Variants in SMARCA2 observed in about 807,000 individuals in gnomAD.
SMARCA2 encodes the protein SWI/SNF related BAF chromatin remodeling complex subunit ATPase 2, also known as SWI/SNF-related matrix-associated actin-dependent regulator of chromatin subfamily A member 2.
In SMARCA2, 61 loss-of-function variants were observed where a neutral mutation model predicts 199.8. That is an observed-to-expected ratio of 0.31 (90% CI 0.25 to 0.38). The LOEUF (loss-of-function observed/expected upper bound fraction) is 0.38, where lower values mean the gene tolerates loss of function less well. SMARCA2 is among the 10% of genes least tolerant of loss of function. The probability of loss-of-function intolerance (pLI) is 1.00; values close to 1 mark genes in which losing one functional copy is unlikely to be tolerated. For synonymous variants in SMARCA2, 935 were observed against 732.0 expected (o/e 1.28, Z -4.48); for missense variants, 1,344 against 2,012.2 (o/e 0.67, Z 6.35).
intron 10 of SMARCA2, chr9:2,072,064 T>C (rs1023685396): frequency 6.2e-4 from 94 of 152,158 alleles, no homozygotes; most frequent in African/African-American, 2.2e-3. Context: ...GAAAGAACCA[T>C]TGGGTATGTG....
chr9:2,190,574 ATACT>A (rs1451250930), intron 32 of SMARCA2, among the ~76,000 whole-genome samples: 1 of 152,228 alleles, frequency 6.6e-6, no homozygotes, highest in Non-Finnish European at 1.5e-5. Context: ...GTGTGTATAT[ATACT>A]TACTTGAATT....
chr9:2,147,484 C>T (rs531703945), intron 27 of SMARCA2, among the ~76,000 whole-genome samples: 1 of 152,210 alleles, frequency 6.6e-6, no homozygotes, highest in Non-Finnish European at 1.5e-5. Context: ...AGTAAACTGG[C>T]TAGAACACAT....
rs143123704 is a variant in SMARCA2 at position 2,075,743 on chromosome 9, T to C, written c.1936-486T>C. On this transcript the variant is annotated intron_variant, in intron 12 of 33. Coordinates refer to ENST00000349721, the MANE Select transcript of SMARCA2 (RefSeq NM_003070.5). ...TGTGATCTTGGCTCACTGGAACCTCTGCCTCCTGGGTTCAAGCGATTCTCC... is the reference window on the plus strand; with the variant it reads ...TGTGATCTTGGCTCACTGGAACCTCCGCCTCCTGGGTTCAAGCGATTCTCC... 7.0e-3 allele frequency among the ~76,000 whole-genome samples: 1,069 copies of C among 152,198 alleles called. 18 individuals carry two copies. The highest frequency in any genetic ancestry group is 0.024 in the African/African-American group (1,009 of 41,548).
chr9:2,101,827 A>G (rs968098339), intron 22 of SMARCA2, among the ~76,000 whole-genome samples: 1 of 152,220 alleles, frequency 6.6e-6, no homozygotes, highest in African/African-American at 2.4e-5. Context: ...TATTCAAAGG[A>G]CATAGATCTT....
intron 4 of SMARCA2, chr9:2,042,071 G>C (rs1464987666): frequency 6.6e-6 from 1 of 152,188 alleles, no homozygotes; most frequent in Non-Finnish European, 1.5e-5. Flanking sequence ...CTATCACAAA[G>C]TCTGTGTACC....
At chr9:2,024,227 G>A (rs965077586) in intron 1 of SMARCA2, among the ~76,000 whole-genome samples, 3 of 152,180 alleles carry the variant, frequency 2.0e-5, no homozygotes, top group African/African-American at 7.2e-5. Context: ...AGGCCTTGCT[G>A]AAATGCTACC....
intron 32 of SMARCA2, among the ~76,000 whole-genome samples, chr9:2,190,216 G>C (rs1185977350): frequency 6.6e-6 from 1 of 152,202 alleles, no homozygotes; most frequent in Non-Finnish European, 1.5e-5. Context: ...AATGGGTGCA[G>C]TCTTTCTGAA....
chr9:2,152,437 G>A (rs7862097), intron 27 of SMARCA2, among the ~76,000 whole-genome samples: 2 of 151,978 alleles, frequency 1.3e-5, no homozygotes, highest in South Asian at 2.1e-4. Flanking sequence ...GCTCATGCCT[G>A]TAATCCCAGC....
intron 29 of SMARCA2, among the ~76,000 whole-genome samples, chr9:2,175,024 T>C (rs1826478720): frequency 6.6e-6 from 1 of 151,286 alleles, no homozygotes; most frequent in Non-Finnish European, 1.5e-5. Flanking sequence ...TTCTTACATT[T>C]TGAAAGACAG....
At position 2,104,027 on chromosome 9, in the gene SMARCA2, G is replaced by A. The variant is rs2130555940; in HGVS notation, c.3150G>A (p.Gly1050=). 1 of 1,614,016 alleles carries A rather than the reference G, an allele frequency of 6.2e-7. No individual in the cohort carries two copies. The highest frequency in any genetic ancestry group is 8.5e-7 in the Non-Finnish European group (1 of 1,179,968). The change falls in exon 23 of 34, where the codon GGG becomes GGA. Residue 1050 remains glycine, a synonymous_variant. Coordinates refer to ENST00000349721, the MANE Select transcript of SMARCA2 (RefSeq NM_003070.5). This position sits in a 1 kb window ranked among gnomAD's most constrained non-coding sequence, Gnocchi z 4.0. ...INGAELYRAS[G]KFELLDRILP... ...GGGCTGAACTGTATCGGGCCTCAGG[G>A]AAGTTTGAGCTGCTTGATCGTATTC...
At chr9:2,052,576 G>T (rs976543012) in intron 5 of SMARCA2, among the ~76,000 whole-genome samples, 1 of 152,160 alleles carries the variant, frequency 6.6e-6, no homozygotes, top group Admixed American at 6.5e-5. Flanking sequence ...AATAACGTGC[G>T]TATAGCAAAT....
chr9:2,159,128 T>A, intron 27 of SMARCA2: 1 of 997,910 alleles, frequency 1.0e-6, no homozygotes, highest in East Asian at 2.8e-5. Context: ...TTTAGAGATT[T>A]AAAAGTCCAA....
intron 27 of SMARCA2, among the ~76,000 whole-genome samples, chr9:2,143,793 G>A (rs987421927): frequency 2.6e-5 from 4 of 152,196 alleles, no homozygotes; most frequent in Non-Finnish European, 5.9e-5. Flanking sequence ...TGTTTGGTAG[G>A]ACAGTGGAAT....
At chr9:2,035,190 T>G (rs1819272323) in intron 3 of SMARCA2, among the ~76,000 whole-genome samples, 1 of 151,964 alleles carries the variant, frequency 6.6e-6, no homozygotes, top group Admixed American at 6.6e-5. Context: ...TACAGGCGTG[T>G]GCCACCACAC....
At chr9:2,171,183 C>G in intron 29 of SMARCA2, among the ~76,000 whole-genome samples, 1 of 152,116 alleles carries the variant, frequency 6.6e-6, no homozygotes, top group East Asian at 1.9e-4. Flanking sequence ...TACGCCAAGG[C>G]TAGGAGCTCT....
rs1471886679 is a variant in SMARCA2, at chr9:2,076,347, C to T, written c.2036+18C>T. The T allele has an allele frequency of 7.0e-7, 1 of 1,421,666 alleles. No homozygotes were observed. Among genetic ancestry groups the T allele is most frequent in the African/African-American group, 1.4e-5 (1 of 70,922 alleles). The allele number at this position is 1,421,666 out of a possible 1,614,324, so 88.1% of individuals were successfully genotyped here. A position where few individuals can be genotyped will look rare whatever the true frequency, so the allele number is the denominator to read the frequency against. On this transcript the variant is annotated intron_variant, in intron 13 of 33. Transcript: ENST00000349721. Reference sequence around the variant, plus strand: ...ATCATTGAGTATGTACTGCATTTTTCCCTTGGAAATGCATTGCATGAGGAT... The same window carrying T: ...ATCATTGAGTATGTACTGCATTTTTTCCTTGGAAATGCATTGCATGAGGAT...
chr9:2,057,684 G>C (rs939194543), intron 7 of SMARCA2, among the ~76,000 whole-genome samples: 2 of 152,168 alleles, frequency 1.3e-5, no homozygotes, highest in African/African-American at 4.8e-5. Context: ...ATATTTTGAT[G>C]TAGGATTTGA....
chr9:2,180,100 G>A (rs1490503426), intron 29 of SMARCA2, among the ~76,000 whole-genome samples: 1 of 152,106 alleles, frequency 6.6e-6, no homozygotes, highest in African/African-American at 2.4e-5. Flanking sequence ...GAGGGGTAGG[G>A]GTGGTTGAGA....
intron 24 of SMARCA2, among the ~76,000 whole-genome samples, chr9:2,111,746 AC>A (rs899203969): frequency 2.7e-4 from 41 of 152,224 alleles, no homozygotes; most frequent in South Asian, 1.2e-3. Flanking sequence ...GTTCCCTGCC[AC>A]CGCACCCCAG....
Sources: allele counts gnomAD v4.1 joint callset (sites outside exome capture counted in the v4.1 genomes callset), GRCh38; gene constraint gnomAD v4.1.1; non-coding constraint Gnocchi (gnomAD v3.1); transcripts MANE v1.5; gene names NCBI Gene and HGNC (gene_info 2026-07-23, HGNC 2026-07-21).